HCN1: variants seen among roughly 807,000 people sequenced by gnomAD.
HCN1 encodes the protein hyperpolarization activated cyclic nucleotide gated potassium channel 1, also known as potassium/sodium hyperpolarization-activated cyclic nucleotide-gated channel 1.
Under a neutral mutation model 78.9 loss-of-function variants are expected in HCN1, and 13 were observed. The ratio of observed to expected loss-of-function variants is 0.16; its 90% CI spans 0.11 to 0.26. The LOEUF (loss-of-function observed/expected upper bound fraction) is 0.26, where lower values mean the gene tolerates loss of function less well. Among genes scored for constraint, HCN1 ranks in the 10% least tolerant of loss-of-function variants. The pLI, the probability that HCN1 is intolerant of heterozygous loss-of-function variation, is 1.00. For missense variants in HCN1, 810 were observed against 1,154.3 expected (o/e 0.70, Z 4.32); for synonymous variants, 552 against 455.5 (o/e 1.21, Z -2.70).
chr5:45,578,775 G>GT (rs1443844875), intron 2 of HCN1, among the ~76,000 whole-genome samples: 1 of 151,986 alleles, frequency 6.6e-6, no homozygotes, highest in African/African-American at 2.4e-5. Flanking sequence ...CAGTTAAAAT[G>GT]TAATATGACT....
At chr5:45,365,771 T>C (rs1480621881) in intron 4 of HCN1, among the ~76,000 whole-genome samples, 1 of 151,890 alleles carries the variant, frequency 6.6e-6, no homozygotes, top group Non-Finnish European at 1.5e-5. Flanking sequence ...CCATATCGTT[T>C]TACTTATTTT....
chr5:45,614,366 A>C (rs151162257), intron 2 of HCN1, among the ~76,000 whole-genome samples: 190 of 152,262 alleles, frequency 1.2e-3, no homozygotes, highest in African/African-American at 4.5e-3. Context: ...AACTTCAGTT[A>C]AAAAGTAGAA....
At position 45,368,923 on chromosome 5, in the gene HCN1, T is replaced by G. The variant is rs146274134; in HGVS notation, c.1231-15677A>C. On this transcript the variant is annotated intron_variant, in intron 4 of 7. Transcript: ENST00000303230. ...ACATTTTCGTGAGAAATCATCATCATGTGGAGGTTTTAGAATGTTTCCATC... is the reference window on the plus strand; with the variant it reads ...ACATTTTCGTGAGAAATCATCATCAGGTGGAGGTTTTAGAATGTTTCCATC... Among the ~76,000 whole-genome samples the G allele has an allele frequency of 3.0e-3, 453 of 152,200 alleles. 2 individuals are homozygous for G. The highest frequency in any genetic ancestry group is 0.01 in the African/African-American group (429 of 41,556).
At chr5:45,395,900 C>A (rs375410419) in intron 4 of HCN1, among the ~76,000 whole-genome samples, 1 of 152,040 alleles carries the variant, frequency 6.6e-6, no homozygotes. Context: ...TTTTCTCTCT[C>A]TTGTGAGAAA....
intron 5 of HCN1, among the ~76,000 whole-genome samples, chr5:45,351,093 G>T (rs1239244870): frequency 6.6e-6 from 1 of 152,052 alleles, no homozygotes; most frequent in Non-Finnish European, 1.5e-5. Flanking sequence ...AAAGAACAAA[G>T]CTGGAGGCAT....
chr5:45,350,930 C>G (rs1192427009), intron 5 of HCN1, among the ~76,000 whole-genome samples: 2 of 152,052 alleles, frequency 1.3e-5, no homozygotes, highest in African/African-American at 4.8e-5. Flanking sequence ...GAATCAATAT[C>G]GTGAAAATGG....
chr5:45,372,306 A>C (rs1331337476), intron 4 of HCN1, among the ~76,000 whole-genome samples: 2 of 98,038 alleles, frequency 2.0e-5, no homozygotes, highest in Non-Finnish European at 3.6e-5. Context: ...TATAATATAT[A>C]ATATGTGAAA....
At chr5:45,678,119 C>T (rs1051850533) in intron 1 of HCN1, among the ~76,000 whole-genome samples, 1 of 151,666 alleles carries the variant, frequency 6.6e-6, no homozygotes, top group Non-Finnish European at 1.5e-5. Context: ...TCGGCTTCCT[C>T]GGATTATTTA....
chr5:45,685,461 G>A (rs867032999), intron 1 of HCN1, among the ~76,000 whole-genome samples: 1 of 152,200 alleles, frequency 6.6e-6, no homozygotes, highest in African/African-American at 2.4e-5. Context: ...TGCCTGTAAC[G>A]TCAGCACTTT....
chr5:45,298,642 A>T (rs145048881), intron 6 of HCN1, among the ~76,000 whole-genome samples: 3 of 152,024 alleles, frequency 2.0e-5, no homozygotes, highest in Non-Finnish European at 4.4e-5. Flanking sequence ...TACAAAAAGG[A>T]TTGTATAAAT....
intron 2 of HCN1, among the ~76,000 whole-genome samples, chr5:45,484,865 A>G (rs1198694933): frequency 6.6e-6 from 1 of 152,066 alleles, no homozygotes; most frequent in Non-Finnish European, 1.5e-5. Context: ...GATTTTGTGC[A>G]TGAGCTCACA....
Position 45,326,541 on chromosome 5 carries a change from A to G in HCN1, c.1378-22702T>C, listed in dbSNP as rs998509285. 2.0e-5 allele frequency among the ~76,000 whole-genome samples: 3 copies of G among 151,616 alleles called. No homozygotes were observed. In the Admixed American group the frequency reaches 2.0e-4, roughly 10 times the overall value. ...GCAATAGCCTCTTAAATAATGGCAA[A>G]CTTTAGCATTTTTCACTATTACTTG... is the stretch of plus-strand genomic sequence containing the variant. On this transcript the variant is annotated intron_variant, in intron 5 of 7. Coordinates refer to ENST00000303230, the MANE Select transcript of HCN1 (RefSeq NM_021072.4).
chr5:45,685,651 G>T (rs1307359657), intron 1 of HCN1, among the ~76,000 whole-genome samples: 1 of 152,080 alleles, frequency 6.6e-6, no homozygotes, highest in Non-Finnish European at 1.5e-5. Context: ...GGCAGAGGTT[G>T]CGGTGAGCCA....
intron 6 of HCN1, among the ~76,000 whole-genome samples, chr5:45,271,800 G>T (rs951768319): frequency 6.6e-6 from 1 of 151,906 alleles, no homozygotes; most frequent in Admixed American, 6.6e-5. Context: ...ATTCCCCTAC[G>T]GAGCAACTAA....
At chr5:45,650,398 CTT>C (rs1409324229) in intron 1 of HCN1, among the ~76,000 whole-genome samples, 1 of 151,980 alleles carries the variant, frequency 6.6e-6, no homozygotes, top group Non-Finnish European at 1.5e-5. Context: ...TGATAGGACT[CTT>C]TACTTATTTC....
intron 5 of HCN1, 72 bp downstream of exon 5, chr5:45,353,028 A>C: frequency 7.5e-7 from 1 of 1,335,772 alleles, no homozygotes; most frequent in Admixed American, 1.7e-5. Context: ...AACGTGGACT[A>C]GAAGATTCTC....
chr5:45,670,220 GAAACAAAC>G (rs970434573), intron 1 of HCN1, among the ~76,000 whole-genome samples: 4 of 151,572 alleles, frequency 2.6e-5, no homozygotes, highest in East Asian at 3.9e-4. Flanking sequence ...GGAACAAAGT[GAAACAAAC>G]AAACAAACAA....
chr5:45,584,576 T>C (rs909542241), intron 2 of HCN1, among the ~76,000 whole-genome samples: 13 of 152,196 alleles, frequency 8.5e-5, no homozygotes, highest in African/African-American at 2.7e-4. Context: ...GTCATTATAA[T>C]GTTAGCTGGT....
chr5:45,543,263 A>C (rs1743140785), intron 2 of HCN1, among the ~76,000 whole-genome samples: 1 of 152,146 alleles, frequency 6.6e-6, no homozygotes, highest in Admixed American at 6.6e-5. Flanking sequence ...ATTTACTTTC[A>C]GAATTAGGAA....
Sources: gnomAD v4.1 joint callset for allele counts (sites outside exome capture counted in the v4.1 genomes callset) on GRCh38, gnomAD v4.1.1 for gene constraint, MANE v1.5 for transcripts, NCBI Gene and HGNC (gene_info 2026-07-23, HGNC 2026-07-21) for gene names.